The following UBTD2 variants were observed in gnomAD, a reference collection of about 807,000 sequenced individuals.
UBTD2 encodes ubiquitin domain-containing protein 2.
In UBTD2, 9 loss-of-function variants were observed where a neutral mutation model predicts 19.8. The observed-to-expected ratio is 0.46, with a 90% CI of 0.27 to 0.79. The LOEUF (loss-of-function observed/expected upper bound fraction) is 0.79. Among genes scored for constraint, UBTD2 ranks in the 30% least tolerant of loss-of-function variants. The pLI is 0.14. For synonymous variants in UBTD2, 98 were observed against 103.9 expected (o/e 0.94, Z 0.35); for missense variants, 250 against 300.4 (o/e 0.83, Z 1.24).
chr5:172,245,716 A>AG (rs1459949151), intron 1 of UBTD2, among the ~76,000 whole-genome samples: 2 of 151,880 alleles, frequency 1.3e-5, no homozygotes, highest in Non-Finnish European at 2.9e-5. Context: ...TGACTCAAAA[A>AG]AAAAAAAAAG....
chr5:172,280,413 G>A (rs1043856419), intron 1 of UBTD2, among the ~76,000 whole-genome samples: 1 of 151,526 alleles, frequency 6.6e-6, no homozygotes. Flanking sequence ...TGGAGGCTAA[G>A]GTAGGAGAAT....
rs548285068 is a variant in UBTD2, at chr5:172,243,783, G to A, written c.71-9425C>T. On this transcript the variant is annotated intron_variant, in intron 1 of 2. Coordinates refer to ENST00000393792, the MANE Select transcript of UBTD2 (RefSeq NM_152277.3). ...TCACCATGTTGGCCAGGCTGGTCTC[G>A]AACTCCAGACCTCAGGTGATCCACC... is the stretch of plus-strand genomic sequence containing the variant. Among the ~76,000 whole-genome samples, 20 of 151,648 alleles carry A rather than the reference G, an allele frequency of 1.3e-4. No individual in the cohort carries two copies. The East Asian group carries it at 3.9e-3, about 29-fold the overall frequency.
rs79342544 is a variant in UBTD2, at chr5:172,282,440, G to C, written c.70+1156C>G. Among the ~76,000 whole-genome samples the C allele has an allele frequency of 7.5e-3, 1,135 of 152,212 alleles. 10 individuals are homozygous for C. Among genetic ancestry groups the C allele is most frequent in the Non-Finnish European group, 8.1e-3 (551 of 68,028 alleles). ...TAAAGTGGCATGGCTAACCATCATG[G>C]AATTCAGGAAATCCATTAGCCAAAA... On this transcript the variant is annotated intron_variant, in intron 1 of 2. Transcript: ENST00000393792.
At chr5:172,261,267 T>C (rs151100812) in intron 1 of UBTD2, among the ~76,000 whole-genome samples, 2 of 152,180 alleles carry the variant, frequency 1.3e-5, no homozygotes, top group Non-Finnish European at 2.9e-5. Context: ...CTCCTTCAAC[T>C]TACCCCTTGG....
chr5:172,253,731 C>T (rs1028534028), intron 1 of UBTD2, among the ~76,000 whole-genome samples: 5 of 151,950 alleles, frequency 3.3e-5, no homozygotes, highest in African/African-American at 1.2e-4. Flanking sequence ...GGATTACAGG[C>T]ACGAGCCACT....
chr5:172,282,165 A>G (rs1407160362), intron 1 of UBTD2, among the ~76,000 whole-genome samples: 1 of 152,250 alleles, frequency 6.6e-6, no homozygotes, highest in African/African-American at 2.4e-5. Flanking sequence ...AGAATCATTA[A>G]TGATCAACAC....
At chr5:172,239,847 T>C (rs969771134) in intron 1 of UBTD2, among the ~76,000 whole-genome samples, 2 of 151,698 alleles carry the variant, frequency 1.3e-5, no homozygotes, top group African/African-American at 2.4e-5. Flanking sequence ...GAGATTGCAG[T>C]GAGCCGAGAT....
At chr5:172,244,626 T>C (rs1158098649) in intron 1 of UBTD2, among the ~76,000 whole-genome samples, 1 of 152,092 alleles carries the variant, frequency 6.6e-6, no homozygotes, top group African/African-American at 2.4e-5. Flanking sequence ...TAAAATGTCC[T>C]GGACATTTGG....
At chr5:172,229,551 C>A in intron 2 of UBTD2, among the ~76,000 whole-genome samples, 1 of 144,674 alleles carries the variant, frequency 6.9e-6, no homozygotes, top group African/African-American at 2.5e-5. Context: ...ATTTGAATTG[C>A]TGGGATATGG....
At chr5:172,230,552 T>A (rs1361947636) in intron 2 of UBTD2, among the ~76,000 whole-genome samples, 2 of 152,102 alleles carry the variant, frequency 1.3e-5, no homozygotes, top group Non-Finnish European at 2.9e-5. Flanking sequence ...ACAGTTATTA[T>A]CCATATTTTA....
chr5:172,246,353 C>T (rs1754882118), intron 1 of UBTD2, among the ~76,000 whole-genome samples: 1 of 151,102 alleles, frequency 6.6e-6, no homozygotes, highest in Non-Finnish European at 1.5e-5. Context: ...ACAGAAAACA[C>T]ATAATACAAT....
intron 1 of UBTD2, among the ~76,000 whole-genome samples, chr5:172,239,792 T>C (rs1412376700): frequency 6.6e-6 from 1 of 151,776 alleles, no homozygotes; most frequent in Non-Finnish European, 1.5e-5. Flanking sequence ...GAATCCCAGC[T>C]ACTCGGCAGG....
chr5:172,230,843 ACG>A (rs1771880220), intron 2 of UBTD2, among the ~76,000 whole-genome samples: 1 of 148,664 alleles, frequency 6.7e-6, no homozygotes, highest in African/African-American at 2.5e-5. Flanking sequence ...GAGTGCAGTG[ACG>A]CGATCTTGGC....
chr5:172,272,746 T>C (rs1755519095), intron 1 of UBTD2, among the ~76,000 whole-genome samples: 1 of 152,096 alleles, frequency 6.6e-6, no homozygotes, highest in Non-Finnish European at 1.5e-5. Context: ...TATACAGTAA[T>C]AAAATCAGCC....
intron 1 of UBTD2, among the ~76,000 whole-genome samples, chr5:172,278,837 T>G (rs935417212): frequency 6.6e-6 from 1 of 152,110 alleles, no homozygotes; most frequent in Non-Finnish European, 1.5e-5. Flanking sequence ...TGCAATGGCG[T>G]GATCCTGGCT....
At chr5:172,273,301 T>G (rs1011379593) in intron 1 of UBTD2, among the ~76,000 whole-genome samples, 8 of 151,874 alleles carry the variant, frequency 5.3e-5, no homozygotes, top group African/African-American at 1.9e-4. Context: ...TTTTTAAAAA[T>G]GCCTTCTGGC....
At position 172,242,078 on chromosome 5, in the gene UBTD2, T is replaced by G. The variant is rs970930466; in HGVS notation, c.71-7720A>C. Among the ~76,000 whole-genome samples, 7 of 152,272 alleles carry G rather than the reference T, an allele frequency of 4.6e-5. No individual in the cohort carries two copies. The East Asian group carries it at 1.2e-3, about 25-fold the overall frequency. On this transcript the variant is annotated intron_variant, in intron 1 of 2. Transcript: ENST00000393792. ...TAAAAGAATACAGCACTTCCTCCCC[T>G]TTTTTTCTCTTGCTATGTGATGCAA...
intron 1 of UBTD2, among the ~76,000 whole-genome samples, chr5:172,235,237 T>C (rs550788736): frequency 1.1e-4 from 16 of 152,122 alleles, no homozygotes; most frequent in African/African-American, 3.9e-4. Context: ...CAAACGGCAA[T>C]AGTAGCTTGG....
chr5:172,252,140 T>C (rs992647295), intron 1 of UBTD2, among the ~76,000 whole-genome samples: 4 of 152,246 alleles, frequency 2.6e-5, no homozygotes, highest in Admixed American at 1.3e-4. Flanking sequence ...TTCATGCTCT[T>C]AACCAGGACT....
Sources: allele counts gnomAD v4.1 joint callset (sites outside exome capture counted in the v4.1 genomes callset), GRCh38; gene constraint gnomAD v4.1.1; transcripts MANE v1.5; gene names NCBI Gene and HGNC (gene_info 2026-07-23, HGNC 2026-07-21).